KIF13A: variants seen among roughly 807,000 people sequenced by gnomAD.
KIF13A encodes the protein kinesin-like protein KIF13A.
Under a neutral mutation model 212.2 loss-of-function variants are expected in KIF13A, and 79 were observed. The ratio of observed to expected loss-of-function variants is 0.37; its 90% CI spans 0.31 to 0.45. KIF13A has a LOEUF of 0.45. KIF13A is among the 20% of genes least tolerant of loss of function. KIF13A has a pLI of 1.00. For synonymous variants in KIF13A, 789 were observed against 808.6 expected (o/e 0.98, Z 0.41); for missense variants, 1,901 against 2,209.0 (o/e 0.86, Z 2.79).
intron 34 of KIF13A, 107 bp from the exon 35 acceptor site, chr6:17,775,169 C>A (rs2150297826): frequency 2.5e-6 from 2 of 803,628 alleles, no homozygotes; most frequent in Middle Eastern, 3.0e-4. Context: ...AGTCTTCATT[C>A]TTCTCCTCCT....
chr6:17,914,345 A>G lies in KIF13A; in HGVS notation c.147-16165T>C, dbSNP rs966181498. On this transcript the variant is annotated intron_variant, in intron 2 of 38. Transcript: ENST00000259711. This position sits in a 1 kb window ranked among gnomAD's most constrained non-coding sequence, Gnocchi z 5.9. ...AGAAGCTGAGTAGAATTAATTCAGA[A>G]TAGATTTTCATTTCTATGCAATCAA... Among the ~76,000 whole-genome samples, 1 of 152,222 alleles carries G rather than the reference A, an allele frequency of 6.6e-6. No individual in the cohort carries two copies. Among genetic ancestry groups the G allele is most frequent in the Non-Finnish European group, 1.5e-5 (1 of 68,042 alleles).
chr6:17,841,537 G>C (rs1401855754), intron 9 of KIF13A, among the ~76,000 whole-genome samples: 1 of 152,232 alleles, frequency 6.6e-6, no homozygotes, highest in South Asian at 2.1e-4. Flanking sequence ...CCCTACATCA[G>C]TATAGCATGT....
rs1313866054 is a variant in KIF13A, at chr6:17,837,406, C to T, written c.942+66G>A. ...GGTATTTGGTTAGCTTTGTACACAC[C>T]TTTACTCTGTCACATCTGGAATAGC... On this transcript the variant is annotated intron_variant, in intron 10 of 38. Coordinates refer to ENST00000259711, the MANE Select transcript of KIF13A (RefSeq NM_022113.6). This position sits in a 1 kb window ranked among gnomAD's most constrained non-coding sequence, Gnocchi z 5.4. 1 of 1,092,022 alleles carries T rather than the reference C, an allele frequency of 9.2e-7. No individual in the cohort carries two copies. Among genetic ancestry groups the T allele is most frequent in the African/African-American group, 1.6e-5 (1 of 64,198 alleles). The allele number at this position is 1,092,022 out of a possible 1,614,324, so 67.6% of individuals were successfully genotyped here. A position where few individuals can be genotyped will look rare whatever the true frequency, so the allele number is the denominator to read the frequency against.
rs77736539 is a variant in KIF13A, at chr6:17,892,203, G to A, written c.159+5965C>T. ...TTTTCATTCACTCAGTTTCAAATCC[G>A]AGACATCTCTGACTCTTGATATACT... On this transcript the variant is annotated intron_variant, in intron 3 of 38. Coordinates refer to ENST00000259711, the MANE Select transcript of KIF13A (RefSeq NM_022113.6). The surrounding 1 kb of genome is among the most constrained non-coding windows in gnomAD (Gnocchi z 4.7). 6.6e-6 allele frequency among the ~76,000 whole-genome samples: 1 copy of A among 152,060 alleles called. No individual in the cohort carries two copies. The highest frequency in any genetic ancestry group is 1.5e-5 in the Non-Finnish European group (1 of 68,016).
chr6:17,842,939 G>C (rs1766667644), intron 9 of KIF13A, among the ~76,000 whole-genome samples: 1 of 151,858 alleles, frequency 6.6e-6, no homozygotes, highest in East Asian at 1.9e-4. Context: ...CTTTCCTTAG[G>C]AGTGGATATG....
At chr6:17,836,270 A>G (rs1765940733) in intron 11 of KIF13A, among the ~76,000 whole-genome samples, 1 of 152,228 alleles carries the variant, frequency 6.6e-6, no homozygotes, top group East Asian at 1.9e-4. Flanking sequence ...TAACAAGGAG[A>G]TAACACCTAA....
intron 4 of KIF13A, among the ~76,000 whole-genome samples, chr6:17,860,465 G>C (rs1402675229): frequency 6.6e-6 from 1 of 152,002 alleles, no homozygotes; most frequent in Admixed American, 6.6e-5. Context: ...CTGGGATTAC[G>C]TGTGAGCCAC....
chr6:17,759,985 C>A (rs1026039188), downstream of KIF13A: 1 of 151,910 alleles, frequency 6.6e-6, no homozygotes, highest in Non-Finnish European at 1.5e-5. Context: ...GGAGTCAGGA[C>A]CCCAGTCATT....
chr6:17,951,390 C>A lies in KIF13A; in HGVS notation c.146+35664G>T. 1 of 620,956 alleles carries A rather than the reference C, an allele frequency of 1.6e-6. No homozygotes were observed. The highest frequency in any genetic ancestry group is 1.8e-5 in the South Asian group (1 of 55,634). 38.5% of individuals were successfully genotyped at this position (620,956 alleles called of 1,614,324 possible). A position where few individuals can be genotyped will look rare whatever the true frequency, so the allele number is the denominator to read the frequency against. On this transcript the variant is annotated intron_variant, in intron 2 of 38. Transcript: ENST00000259711. This position sits in a 1 kb window ranked among gnomAD's most constrained non-coding sequence, Gnocchi z 4.9. Reference sequence around the variant, plus strand: ...AAGTGATCCTCTTGCCTTGGCCTCCCAAAGTGCTGGAATTAGAGATGTGAG... The same window carrying A: ...AAGTGATCCTCTTGCCTTGGCCTCCAAAAGTGCTGGAATTAGAGATGTGAG...
intron 2 of KIF13A, among the ~76,000 whole-genome samples, chr6:17,955,455 T>G (rs1471763003): frequency 6.6e-6 from 1 of 152,236 alleles, no homozygotes; most frequent in Non-Finnish European, 1.5e-5. Flanking sequence ...AATTTGGATA[T>G]CTGACCAAAC....
chr6:17,915,613 A>G lies in KIF13A; in HGVS notation c.147-17433T>C, dbSNP rs1342168611. On this transcript the variant is annotated intron_variant, in intron 2 of 38. Transcript: ENST00000259711. This position sits in a 1 kb window ranked among gnomAD's most constrained non-coding sequence, Gnocchi z 4.4. ...CAGCCTACTGATTCTGTAGGACATC[A>G]CTGCAGAACCATGTAGTTTCAATGT... Among the ~76,000 whole-genome samples the G allele has an allele frequency of 1.3e-5, 2 of 152,148 alleles. No homozygotes were observed. Among genetic ancestry groups the G allele is most frequent in the Non-Finnish European group, 2.9e-5 (2 of 68,018 alleles).
Position 17,826,827 on chromosome 6 carries a change from T to C in KIF13A, c.1533-703A>G, listed in dbSNP as rs1422919183. 1.2e-5 allele frequency among the ~76,000 whole-genome samples: 1 copy of C among 81,064 alleles called. No homozygotes were observed. The highest frequency in any genetic ancestry group is 2.8e-5 in the Non-Finnish European group (1 of 36,078). 53.2% of individuals were successfully genotyped at this position (81,064 alleles called of 152,430 possible). On this transcript the variant is annotated intron_variant, in intron 14 of 38. Transcript: ENST00000259711. The surrounding 1 kb of genome is among the most constrained non-coding windows in gnomAD (Gnocchi z 4.7). ...GGTATGATGATATTGAAACTATATT[T>C]AAGAATCTTCATCTTTTAGAGAGAC...
rs571463776 is a variant in KIF13A at position 17,961,904 on chromosome 6, C to T, written c.146+25150G>A. 6.6e-6 allele frequency among the ~76,000 whole-genome samples: 1 copy of T among 152,298 alleles called. No homozygotes were observed. Among genetic ancestry groups the T allele is most frequent in the Admixed American group, 6.5e-5 (1 of 15,282 alleles). ...TGGCAACATTGTCTATTTTCCACAT[C>T]TTAAAATTTCAGAATTGGGATACAT... On this transcript the variant is annotated intron_variant, in intron 2 of 38. Transcript: ENST00000259711. This position sits in a 1 kb window ranked among gnomAD's most constrained non-coding sequence, Gnocchi z 4.1.
At chr6:17,767,381 A>G (rs1561947039) in intron 38 of KIF13A, among the ~76,000 whole-genome samples, 1 of 152,088 alleles carries the variant, frequency 6.6e-6, no homozygotes, top group Non-Finnish European at 1.5e-5. Context: ...CAGCCTCCCA[A>G]GTAGCTGGGA....
At chr6:17,819,742 A>G (rs1164279301) in intron 16 of KIF13A, among the ~76,000 whole-genome samples, 1 of 152,234 alleles carries the variant, frequency 6.6e-6, no homozygotes, top group Non-Finnish European at 1.5e-5. Context: ...AATATGAGAA[A>G]TATGGTAAAA....
intron 28 of KIF13A, among the ~76,000 whole-genome samples, chr6:17,784,361 T>C (rs9350059): frequency 0.37 from 55,760 of 151,882 alleles, 11,357 homozygotes; most frequent in East Asian, 0.61. Flanking sequence ...GAGGTTGCAG[T>C]GCACCAAGAT....
Position 17,886,541 on chromosome 6 carries a change from A to G in KIF13A, c.159+11627T>C, listed in dbSNP as rs1057070824. Among the ~76,000 whole-genome samples the G allele has an allele frequency of 6.6e-6, 1 of 152,180 alleles. No homozygotes were observed. The highest frequency in any genetic ancestry group is 2.4e-5 in the African/African-American group (1 of 41,434). On this transcript the variant is annotated intron_variant, in intron 3 of 38. Transcript: ENST00000259711. This position sits in a 1 kb window ranked among gnomAD's most constrained non-coding sequence, Gnocchi z 5.6. Reference sequence around the variant, plus strand: ...CAACACCAAGAGACAAGGGAGATGGATATCTTTTCTTCCTGGGGCCTATAC... The same window carrying G: ...CAACACCAAGAGACAAGGGAGATGGGTATCTTTTCTTCCTGGGGCCTATAC...
chr6:17,939,384 C>G (rs1223286481), intron 2 of KIF13A, among the ~76,000 whole-genome samples: 3 of 152,222 alleles, frequency 2.0e-5, no homozygotes, highest in Non-Finnish European at 2.9e-5. Flanking sequence ...AATAGCTCCT[C>G]AAGGCCATTC....
chr6:17,904,569 A>G (rs990500667), intron 2 of KIF13A, among the ~76,000 whole-genome samples: 1 of 152,250 alleles, frequency 6.6e-6, no homozygotes, highest in Non-Finnish European at 1.5e-5. Context: ...AGTAGGTAGT[A>G]CAGACCTGGA....
Sources: gnomAD v4.1 joint callset for allele counts (sites outside exome capture counted in the v4.1 genomes callset) on GRCh38, gnomAD v4.1.1 for gene constraint, Gnocchi (gnomAD v3.1) non-coding constraint, MANE v1.5 for transcripts, NCBI Gene and HGNC (gene_info 2026-07-23, HGNC 2026-07-21) for gene names.